PACSIN1: variants seen among roughly 807,000 people sequenced by gnomAD.
The protein encoded by PACSIN1 is protein kinase C and casein kinase substrate in neurons protein 1.
Under a neutral mutation model 59.5 loss-of-function variants are expected in PACSIN1, and 15 were observed. The observed-to-expected ratio is 0.25, with a 90% CI of 0.17 to 0.39. PACSIN1 has a LOEUF of 0.39. Ranked by LOEUF, PACSIN1 falls within the 10% of genes least tolerant of loss-of-function variation. The probability of loss-of-function intolerance (pLI) is 1.00; values close to 1 mark genes in which losing one functional copy is unlikely to be tolerated. For missense variants in PACSIN1, 420 were observed against 580.2 expected (o/e 0.72, Z 2.84); for synonymous variants, 210 against 220.6 (o/e 0.95, Z 0.42).
chr6:34,512,700 A>G (rs981545341), intron 1 of PACSIN1, among the ~76,000 whole-genome samples: 3 of 152,194 alleles, frequency 2.0e-5, no homozygotes, highest in Non-Finnish European at 2.9e-5. Context: ...CCACCACTTG[A>G]CTGGGACTTT....
chr6:34,525,548 G>A lies in PACSIN1; in HGVS notation c.-63-695G>A, dbSNP rs1415009410. ...CTGGCAGCTTGTATCAGGGCCAGGC[G>A]CAGCCTGGACTCTGCTGCCTCTTTG... On this transcript the variant is annotated intron_variant, in intron 1 of 9. Transcript: ENST00000244458. This position sits in a 1 kb window ranked among gnomAD's most constrained non-coding sequence, Gnocchi z 4.9. 6.6e-6 allele frequency among the ~76,000 whole-genome samples: 1 copy of A among 152,232 alleles called. No individual in the cohort carries two copies. The highest frequency in any genetic ancestry group is 1.5e-5 in the Non-Finnish European group (1 of 68,034).
At position 34,532,047 on chromosome 6, in the gene PACSIN1, C is replaced by T. The variant is rs1330548569; in HGVS notation, c.1225+260C>T. Among the ~76,000 whole-genome samples the T allele has an allele frequency of 6.6e-6, 1 of 152,034 alleles. No homozygotes were observed. Among genetic ancestry groups the T allele is most frequent in the African/African-American group, 2.4e-5 (1 of 41,386 alleles). On this transcript the variant is annotated intron_variant, in intron 9 of 9. Coordinates refer to ENST00000244458, the MANE Select transcript of PACSIN1 (RefSeq NM_020804.5). This position sits in a 1 kb window ranked among gnomAD's most constrained non-coding sequence, Gnocchi z 5.2. ...TCTGAAGACGGGTTGCGAGGATTTGCAGGGAACTAAATGGGGCGTGGCCTG... is the reference window on the plus strand; with the variant it reads ...TCTGAAGACGGGTTGCGAGGATTTGTAGGGAACTAAATGGGGCGTGGCCTG...
chr6:34,487,265 A>G (rs73746650), intron 1 of PACSIN1, among the ~76,000 whole-genome samples: 4,228 of 152,232 alleles, frequency 0.028, 139 homozygotes, highest in African/African-American at 0.079. Context: ...CACTTCCCGC[A>G]TCCTGGAAGG....
At chr6:34,528,948 G>A (rs1489330361) in intron 4 of PACSIN1, 71 bp downstream of exon 4, 23 of 1,229,400 alleles carry the variant, frequency 1.9e-5, no homozygotes, top group Non-Finnish European at 2.6e-5. Flanking sequence ...ATCCCAGGGA[G>A]GGCATCTATG....
rs563205081 is a variant in PACSIN1 at position 34,478,014 on chromosome 6, A to C, written c.-64+11744A>C. ...GCAATCCTCCCGCCTCAGCCTCCCA[A>C]AGTGCTGGGATTACAGGCATGAGCC... On this transcript the variant is annotated intron_variant, in intron 1 of 9. Coordinates refer to ENST00000244458, the MANE Select transcript of PACSIN1 (RefSeq NM_020804.5). Among the ~76,000 whole-genome samples, 17 of 150,296 alleles carry C rather than the reference A, an allele frequency of 1.1e-4. No individual in the cohort carries two copies. In the South Asian group the frequency reaches 2.9e-3, roughly 26 times the overall value.
At position 34,514,671 on chromosome 6, in the gene PACSIN1, A is replaced by G. The variant is rs114621038; in HGVS notation, c.-63-11572A>G. On this transcript the variant is annotated intron_variant, in intron 1 of 9. Transcript: ENST00000244458. The surrounding 1 kb of genome is among the most constrained non-coding windows in gnomAD (Gnocchi z 4.4). ...CCCACCAGCGTCTCTGTGGCCGTGA[A>G]GTGTATGCATGCGTGCCCATGTTGA... Among the ~76,000 whole-genome samples the G allele has an allele frequency of 7.0e-3, 1,069 of 152,184 alleles. 9 individuals carry two copies. The highest frequency in any genetic ancestry group is 0.017 in the African/African-American group (721 of 41,550).
intron 1 of PACSIN1, among the ~76,000 whole-genome samples, chr6:34,501,222 G>T (rs965358811): frequency 6.6e-6 from 1 of 152,202 alleles, no homozygotes; most frequent in Non-Finnish European, 1.5e-5. Context: ...GGGATTACAG[G>T]CATGAGCCAC....
intron 1 of PACSIN1, among the ~76,000 whole-genome samples, chr6:34,522,726 C>A (rs1767415034): frequency 6.6e-6 from 1 of 152,198 alleles, no homozygotes; most frequent in Admixed American, 6.5e-5. Context: ...GCCTGAGAAC[C>A]AGGGGGGCCA....
intron 1 of PACSIN1, among the ~76,000 whole-genome samples, chr6:34,498,262 A>G (rs1267293246): frequency 6.6e-6 from 1 of 151,972 alleles, no homozygotes; most frequent in African/African-American, 2.4e-5. Flanking sequence ...GAGTTTCACC[A>G]TATTGGCCAG....
intron 1 of PACSIN1, among the ~76,000 whole-genome samples, chr6:34,500,089 A>G (rs1767002683): frequency 6.6e-6 from 1 of 152,240 alleles, no homozygotes; most frequent in Admixed American, 6.5e-5. Flanking sequence ...ACCCAGTTAA[A>G]AAACAGGTAA....
intron 1 of PACSIN1, among the ~76,000 whole-genome samples, chr6:34,475,952 G>A (rs766335127): frequency 2.0e-5 from 3 of 152,162 alleles, no homozygotes; most frequent in Admixed American, 6.5e-5. Context: ...TCTGATTAGC[G>A]GACAAATCGT....
chr6:34,529,440 A>G lies in PACSIN1; in HGVS notation c.500A>G (p.Glu167Gly), dbSNP rs1767549472. The G allele has an allele frequency of 1.2e-6, 2 of 1,614,032 alleles. No individual in the cohort carries two copies. The highest frequency in any genetic ancestry group is 1.7e-6 in the Non-Finnish European group (2 of 1,180,028). The change falls in exon 5 of 10, where the codon GAA becomes GGA. Residue 167 changes from glutamate to glycine, a missense_variant. Coordinates refer to ENST00000244458, the MANE Select transcript of PACSIN1 (RefSeq NM_020804.5). This position sits in a 1 kb window ranked among gnomAD's most constrained non-coding sequence, Gnocchi z 6.3. Reference sequence around the variant, plus strand: ...GCCTACCATTTGGCTTGCAAAGAGGAAAAGCTGGCCATGACACGGGAGATG... The same window carrying G: ...GCCTACCATTTGGCTTGCAAAGAGGGAAAGCTGGCCATGACACGGGAGATG... ...KKAYHLACKEEKLAMTREMNS... is the reference protein window; with the variant it reads ...KKAYHLACKEGKLAMTREMNS...
At chr6:34,489,220 CATG>C (rs1260706611) in intron 1 of PACSIN1, among the ~76,000 whole-genome samples, 1 of 150,904 alleles carries the variant, frequency 6.6e-6, no homozygotes, top group African/African-American at 2.4e-5. Flanking sequence ...TGGTGTGCAA[CATG>C]ATGTTTTGAA....
Position 34,477,640 on chromosome 6 carries a change from T to G in PACSIN1, c.-64+11370T>G, listed in dbSNP as rs947204634. On this transcript the variant is annotated intron_variant, in intron 1 of 9. Transcript: ENST00000244458. Reference sequence around the variant, plus strand: ...TTCTAATTTGATCATTTTGTTTGCATTTATGAGCTAGACTTCTACAAAGAA... The same window carrying G: ...TTCTAATTTGATCATTTTGTTTGCAGTTATGAGCTAGACTTCTACAAAGAA... 3.3e-5 allele frequency among the ~76,000 whole-genome samples: 5 copies of G among 152,264 alleles called. No homozygotes were observed. The East Asian group carries it at 7.7e-4, about 23-fold the overall frequency.
At chr6:34,524,043 G>C (rs1260788863) in intron 1 of PACSIN1, among the ~76,000 whole-genome samples, 2 of 152,214 alleles carry the variant, frequency 1.3e-5, no homozygotes, top group South Asian at 2.1e-4. Flanking sequence ...GTTGGTAGCA[G>C]AGCAGGGACC....
At chr6:34,508,020 A>G (rs541735300) in intron 1 of PACSIN1, among the ~76,000 whole-genome samples, 92 of 152,302 alleles carry the variant, frequency 6.0e-4, no homozygotes, top group Middle Eastern at 6.8e-3. Flanking sequence ...CAGGAGTACA[A>G]ATTTGTCTTT....
rs888272530 is a variant in PACSIN1 at position 34,466,593 on chromosome 6, C to T, written c.-64+323C>T. Among the ~76,000 whole-genome samples, 14 of 152,270 alleles carry T rather than the reference C, an allele frequency of 9.2e-5. No homozygotes were observed. In the East Asian group the frequency reaches 1.5e-3, roughly 17 times the overall value. On this transcript the variant is annotated intron_variant, in intron 1 of 9. Coordinates refer to ENST00000244458, the MANE Select transcript of PACSIN1 (RefSeq NM_020804.5). ...AGCTGGGGCCTGGGCCCGGGCGGTC[C>T]GGGTCTCTGGACTGCTACCAGAAGG...
chr6:34,478,637 C>T (rs1261302410), intron 1 of PACSIN1, among the ~76,000 whole-genome samples: 1 of 152,194 alleles, frequency 6.6e-6, no homozygotes, highest in African/African-American at 2.4e-5. Context: ...TCCCGAAGTG[C>T]TGGGATTACA....
At chr6:34,522,269 CA>C (rs1285517184) in intron 1 of PACSIN1, among the ~76,000 whole-genome samples, 1 of 152,210 alleles carries the variant, frequency 6.6e-6, no homozygotes, top group African/African-American at 2.4e-5. Context: ...GCCATGCGTG[CA>C]CTATTTTAGT....
Sources: gnomAD v4.1 joint callset for allele counts (sites outside exome capture counted in the v4.1 genomes callset) on GRCh38, gnomAD v4.1.1 for gene constraint, Gnocchi (gnomAD v3.1) non-coding constraint, MANE v1.5 for transcripts, NCBI Gene and HGNC (gene_info 2026-07-23, HGNC 2026-07-21) for gene names.